Variants in ZBTB40 observed in about 807,000 individuals in gnomAD.
The protein encoded by ZBTB40 is zinc finger and BTB domain containing 40, also known as zinc finger and BTB domain-containing protein 40.
In ZBTB40, 60 loss-of-function variants were observed where a neutral mutation model predicts 117.5. That is an observed-to-expected ratio of 0.51 (90% CI 0.41 to 0.63). ZBTB40 has a LOEUF of 0.63. Ranked by LOEUF, ZBTB40 falls within the 30% of genes least tolerant of loss-of-function variation. The pLI is 0.00. For missense variants in ZBTB40, 1,287 were observed against 1,498.5 expected, an observed-to-expected ratio of 0.86 and a Z score of 2.33; for synonymous variants, 525 against 577.1, an observed-to-expected ratio of 0.91 and a Z score of 1.29.
upstream of ZBTB40, among the ~76,000 whole-genome samples, chr1:22,451,157 CCAGGATGCCTT>C (rs1640860171): frequency 6.7e-6 from 1 of 150,086 alleles, no homozygotes; most frequent in Non-Finnish European, 1.5e-5. Flanking sequence ...CAGGATGCCT[CCAGGATGCCTT>C]CAGCCCACTG....
At chr1:22,437,700 G>C (rs145629085) in intron 1 of ZBTB40, among the ~76,000 whole-genome samples, 1 of 151,958 alleles carries the variant, frequency 6.6e-6, no homozygotes, top group African/African-American at 2.4e-5. Flanking sequence ...GATTACAGGC[G>C]TGAGCCACTG....
In ZBTB40 at chr1:22,512,950, C is replaced by T; in HGVS notation, c.2488C>T (p.His830Tyr). ...SGMQYHKLTE[H>Y]FDEKPFSCEE... ...CATGCAGTACCATAAGCTGACAGAG[C>T]ACTTCGATGAGAAGCCTTTCTCCTG... is the stretch of plus-strand genomic sequence containing the variant. The change falls in exon 12 of 18, where the codon CAC (histidine) becomes TAC (tyrosine). Residue 830 changes from histidine (H) to tyrosine (Y), a missense_variant. His to Tyr is a moderately conservative substitution (Grantham distance 83). Around this residue, in one of 2 missense-constraint regions of ZBTB40, gnomAD observed 417 missense variants for 564.1 expected, o/e 0.74. Coordinates refer to ENST00000375647, the MANE Select transcript of ZBTB40 (RefSeq NM_014870.4). 1 of 1,614,252 alleles carries T rather than the reference C, an allele frequency of 6.2e-7. No individual in the cohort carries two copies. The highest frequency in any genetic ancestry group is 8.5e-7 in the Non-Finnish European group (1 of 1,180,042).
chr1:22,495,146 C>G (rs1638738460), intron 3 of ZBTB40, among the ~76,000 whole-genome samples: 1 of 152,048 alleles, frequency 6.6e-6, no homozygotes, highest in South Asian at 2.1e-4. Context: ...TGCACCTGGG[C>G]AGGATTGAGT....
chr1:22,445,137 G>A (rs141175795), intron 1 of ZBTB40, among the ~76,000 whole-genome samples: 1 of 152,268 alleles, frequency 6.6e-6, no homozygotes, highest in East Asian at 1.9e-4. Flanking sequence ...TGGTTGGGGA[G>A]ATCATCTCCT....
rs182583228 is a variant in ZBTB40, at chr1:22,483,115, T to C, written c.-69-6765T>C. Among the ~76,000 whole-genome samples, 339 of 152,038 alleles carry C rather than the reference T, an allele frequency of 2.2e-3. 1 individual carries two copies. Among genetic ancestry groups the C allele is most frequent in the Middle Eastern group, 0.014 (4 of 294 alleles). ...AAAAGAAATATGCATTTAAGTTTCC[T>C]CCCTGTCTTTTCATGGCTTTATGTC... On this transcript the variant is annotated intron_variant, in intron 1 of 17. Transcript: ENST00000375647.
intron 2 of ZBTB40, 126 bp from the exon 3 acceptor site, chr1:22,491,274 C>G: frequency 1.1e-6 from 1 of 933,514 alleles, no homozygotes; most frequent in Non-Finnish European, 1.7e-6. Flanking sequence ...TTATTCATAA[C>G]TGATGTGCTA....
In ZBTB40 at chr1:22,433,445, A is replaced by C. The variant is rs868023129; in HGVS notation, c.-70+4431A>C. On this transcript the variant is annotated intron_variant, in intron 1 of 8. Coordinates refer to the ZBTB40 transcript ENST00000650433. Reference sequence around the variant, plus strand: ...AAGACGCCCTCTCAAAAAAAAAAAAAAAAAAAAAAAAAGACAGCTAAAAAT... The same window carrying C: ...AAGACGCCCTCTCAAAAAAAAAAAACAAAAAAAAAAAAGACAGCTAAAAAT... Among the ~76,000 whole-genome samples the C allele has an allele frequency of 3.0e-3, 272 of 90,392 alleles. 7 individuals carry two copies. Among genetic ancestry groups the C allele is most frequent in the African/African-American group, 9.6e-3 (168 of 17,546 alleles). 59.3% of individuals were successfully genotyped at this position (90,392 alleles called of 152,430 possible). A position where few individuals can be genotyped will look rare whatever the true frequency, so the allele number is the denominator to read the frequency against.
chr1:22,505,274 G>A (rs1173313020), intron 5 of ZBTB40, among the ~76,000 whole-genome samples: 1 of 152,256 alleles, frequency 6.6e-6, no homozygotes, highest in Middle Eastern at 3.4e-3. Flanking sequence ...ATATTATGCT[G>A]TAGTCCATTA....
chr1:22,496,478 C>A (rs766731033), intron 3 of ZBTB40, among the ~76,000 whole-genome samples: 1 of 152,152 alleles, frequency 6.6e-6, no homozygotes, highest in Non-Finnish European at 1.5e-5. Flanking sequence ...AACCCATTCA[C>A]GTACCGCAAG....
chr1:22,451,930 C>T lies in ZBTB40; in HGVS notation c.-144C>T, dbSNP rs1640883022. On this transcript the variant is annotated 5_prime_UTR_variant, in exon 1 of 18. Coordinates refer to ENST00000375647, the MANE Select transcript of ZBTB40 (RefSeq NM_014870.4). ...GTTGAATGGCGAAAGCTTTATTGTT[C>T]CCTTCGGGCAGGAGTGTTCGTGTCC... The T allele has an allele frequency of 6.6e-6, 1 of 152,408 alleles. No homozygotes were observed. Among genetic ancestry groups the T allele is most frequent in the Admixed American group, 6.5e-5 (1 of 15,288 alleles). 9.4% of individuals were successfully genotyped at this position (152,408 alleles called of 1,614,324 possible). A position where few individuals can be genotyped will look rare whatever the true frequency, so the allele number is the denominator to read the frequency against.
At chr1:22,519,674 T>G in intron 13 of ZBTB40, 1 of 318,772 alleles carries the variant, frequency 3.1e-6, no homozygotes, top group Non-Finnish European at 6.1e-6. Flanking sequence ...CTCTGGGGAG[T>G]GTGCTGGAAA....
intron 1 of ZBTB40, among the ~76,000 whole-genome samples, chr1:22,434,951 T>C (rs1569733656): frequency 6.6e-6 from 1 of 152,356 alleles, no homozygotes; most frequent in East Asian, 1.9e-4. Flanking sequence ...TTACGTTGTT[T>C]ACCTTTCTTG....
At chr1:22,437,235 TAATAA>T (rs1640680873) in intron 1 of ZBTB40, among the ~76,000 whole-genome samples, 1 of 152,056 alleles carries the variant, frequency 6.6e-6, no homozygotes, top group African/African-American at 2.4e-5. Context: ...TACCAGAGCA[TAATAA>T]ACCTCCATGG....
At chr1:22,481,633 A>G (rs1638319537) in intron 1 of ZBTB40, among the ~76,000 whole-genome samples, 1 of 151,958 alleles carries the variant, frequency 6.6e-6, no homozygotes, top group Non-Finnish European at 1.5e-5. Flanking sequence ...CCCTCCCCAG[A>G]AACTTAAAAG....
chr1:22,506,182 C>T lies in ZBTB40; in HGVS notation c.1301C>T (p.Pro434Leu). 6.2e-7 allele frequency: 1 copy of T among 1,614,170 alleles called. No homozygotes were observed. The highest frequency in any genetic ancestry group is 8.5e-7 in the Non-Finnish European group (1 of 1,180,022). The change falls in exon 6 of 18, where the codon CCA becomes CTA. Residue 434 changes from proline (P) to leucine (L), a missense_variant. By Grantham distance (98) the Pro-to-Leu change is moderately conservative. Coordinates refer to ENST00000375647, the MANE Select transcript of ZBTB40 (RefSeq NM_014870.4). ...CTCCAGGCTGTGAAGACGACTTTCC[C>T]AAACCTGGGCCTTCTGCTAGAGAAG... ...KLLQAVKTTF[P>L]NLGLLLEKLQ...
chr1:22,455,033 T>G (rs1640973183), intron 1 of ZBTB40, among the ~76,000 whole-genome samples: 1 of 152,226 alleles, frequency 6.6e-6, no homozygotes, highest in Non-Finnish European at 1.5e-5. Context: ...TTTCTTAGTG[T>G]TTCTGCTTGG....
Position 22,501,551 on chromosome 1 carries a change from T to C in ZBTB40, c.891T>C (p.Gly297=), listed in dbSNP as rs209752. The change falls in exon 4 of 18, where the codon GGT becomes GGC. Residue 297 remains glycine (G), a synonymous_variant. Transcript: ENST00000375647. ...ATTCAGCATTCCAGAGAATCCTGGG[T>C]AAAGTAAGAGAGGAAAGCCTGGATG... ...GGHSAFQRIL[G]KVREESLDVQ... The C allele has an allele frequency of 4.2e-3, 6,725 of 1,614,032 alleles. 227 individuals carry two copies. The African/African-American group carries it at 0.075, about 18-fold the overall frequency.
intron 13 of ZBTB40, among the ~76,000 whole-genome samples, chr1:22,518,208 T>G (rs940834655): frequency 3.9e-5 from 6 of 152,188 alleles, no homozygotes; most frequent in Non-Finnish European, 8.8e-5. Context: ...GCAGGGGAGT[T>G]AAGAGCTTGG....
At chr1:22,508,445 T>C in intron 7 of ZBTB40, 85 bp from the exon 8 acceptor site, 1 of 1,506,784 alleles carries the variant, frequency 6.6e-7, no homozygotes, top group Non-Finnish European at 9.2e-7. Flanking sequence ...ATATTCACTG[T>C]AACCCAATAT....
Sources: allele counts gnomAD v4.1 joint callset (sites outside exome capture counted in the v4.1 genomes callset), GRCh38; gene constraint gnomAD v4.1.1; regional missense constraint gnomAD v4.1.1; transcripts MANE v1.5; gene names NCBI Gene and HGNC (gene_info 2026-07-23, HGNC 2026-07-21).